The following RSU1 variants were observed in gnomAD, a reference collection of about 807,000 sequenced individuals.
The protein encoded by RSU1 is rsu-1.
A neutral mutation model predicts 31.1 loss-of-function variants in RSU1; 26 were observed. The observed-to-expected ratio is 0.84, with a 90% confidence interval of 0.61 to 1.16. The LOEUF is 1.16. Among genes scored for constraint, RSU1 ranks in the 50% most tolerant of loss-of-function variants. The pLI, the probability that RSU1 is intolerant of heterozygous loss-of-function variation, is 0.00. For missense variants in RSU1, 320 were observed against 339.1 expected (o/e 0.94, Z 0.44); for synonymous variants, 164 against 136.3 (o/e 1.20, Z -1.41).
intron 2 of RSU1, among the ~76,000 whole-genome samples, chr10:16,788,728 G>A (rs1837850397): frequency 6.6e-6 from 1 of 152,200 alleles, no homozygotes; most frequent in Admixed American, 6.5e-5. Context: ...TCAGGAAAAA[G>A]GAAAGGATAA....
intron 7 of RSU1, among the ~76,000 whole-genome samples, chr10:16,747,188 A>T (rs1836873248): frequency 6.6e-6 from 1 of 152,134 alleles, no homozygotes. Flanking sequence ...TTCTGGCTTC[A>T]GTGTTTAGGA....
chr10:16,681,488 T>C (rs368993809), intron 8 of RSU1, among the ~76,000 whole-genome samples: 13 of 152,174 alleles, frequency 8.5e-5, no homozygotes, highest in African/African-American at 3.1e-4. Flanking sequence ...AGGGTCATCA[T>C]TGTCTTCTAT....
intron 8 of RSU1, among the ~76,000 whole-genome samples, chr10:16,605,878 C>T (rs1015734437): frequency 2.6e-5 from 4 of 152,120 alleles, no homozygotes; most frequent in Admixed American, 6.5e-5. Flanking sequence ...CATGGCTCAC[C>T]GTAGCCTCCA....
intron 2 of RSU1, among the ~76,000 whole-genome samples, chr10:16,786,841 C>A (rs1419382867): frequency 6.6e-6 from 1 of 152,120 alleles, no homozygotes; most frequent in Non-Finnish European, 1.5e-5. Context: ...TACAGTGAAA[C>A]CGGGACAGCT....
intron 8 of RSU1, among the ~76,000 whole-genome samples, chr10:16,680,295 T>G (rs1038422708): frequency 2.6e-5 from 4 of 152,132 alleles, no homozygotes; most frequent in African/African-American, 9.6e-5. Flanking sequence ...AATGTACACG[T>G]GAAGCCTGGA....
chr10:16,615,472 C>G (rs1185340767), intron 8 of RSU1, among the ~76,000 whole-genome samples: 1 of 151,758 alleles, frequency 6.6e-6, no homozygotes, highest in Non-Finnish European at 1.5e-5. Context: ...CTAGACAGAT[C>G]AACAAGACCG....
At chr10:16,714,073 G>T (rs1399384454) in intron 7 of RSU1, among the ~76,000 whole-genome samples, 1 of 152,086 alleles carries the variant, frequency 6.6e-6, no homozygotes, top group Non-Finnish European at 1.5e-5. Context: ...ATATGTATGG[G>T]TGTGGAGGGC....
chr10:16,631,264 C>G (rs754545896), intron 8 of RSU1, among the ~76,000 whole-genome samples: 4 of 152,138 alleles, frequency 2.6e-5, no homozygotes, highest in African/African-American at 9.7e-5. Flanking sequence ...GGGACGGTTC[C>G]GAGCGTGTCT....
intron 7 of RSU1, chr10:16,721,717 T>A (rs570852707): frequency 1.3e-5 from 2 of 152,350 alleles, no homozygotes; most frequent in South Asian, 4.1e-4. Flanking sequence ...AATCACTTGA[T>A]AACTGCAATG....
chr10:16,742,923 G>A (rs556109660), intron 7 of RSU1, among the ~76,000 whole-genome samples: 90 of 152,276 alleles, frequency 5.9e-4, no homozygotes, highest in African/African-American at 2.1e-3. Flanking sequence ...ATTTTCTGGG[G>A]CTAAAGATTT....
chr10:16,695,962 C>T (rs1373812765), intron 7 of RSU1, among the ~76,000 whole-genome samples: 1 of 152,142 alleles, frequency 6.6e-6, no homozygotes, highest in Non-Finnish European at 1.5e-5. Flanking sequence ...AAGCACCCCT[C>T]ATCTGGATAT....
intron 4 of RSU1, among the ~76,000 whole-genome samples, chr10:16,764,095 T>A (rs1277528810): frequency 6.6e-6 from 1 of 152,066 alleles, no homozygotes; most frequent in Non-Finnish European, 1.5e-5. Flanking sequence ...TGCAAATAAG[T>A]CCCTTCTCGG....
At chr10:16,644,261 C>A (rs996376790) in intron 8 of RSU1, among the ~76,000 whole-genome samples, 10 of 152,168 alleles carry the variant, frequency 6.6e-5, no homozygotes, top group African/African-American at 2.4e-4. Context: ...AAATGACTTA[C>A]AAATTATATA....
At chr10:16,715,615 T>C (rs1397166321) in intron 7 of RSU1, among the ~76,000 whole-genome samples, 3 of 152,212 alleles carry the variant, frequency 2.0e-5, no homozygotes, top group Non-Finnish European at 4.4e-5. Context: ...CACTTGACCA[T>C]TTAGGCAAGG....
intron 7 of RSU1, among the ~76,000 whole-genome samples, chr10:16,742,811 C>T (rs7911748): frequency 0.22 from 33,636 of 152,060 alleles, 4,043 homozygotes; most frequent in African/African-American, 0.3. Flanking sequence ...TACTACAAAA[C>T]GGAAACGCTT....
At chr10:16,683,184 T>TGTGTGTGTGTGTGTGTGTGTGTGTGG (rs4027772) in intron 8 of RSU1, among the ~76,000 whole-genome samples, 1 of 146,362 alleles carries the variant, frequency 6.8e-6, no homozygotes, top group Admixed American at 6.8e-5. Flanking sequence ...TGTGTGTGTG[T>TGTGTGTGTGTGTGTGTGTGTGTGTGG]TGTGGTAGGG....
intron 2 of RSU1, among the ~76,000 whole-genome samples, chr10:16,810,280 C>T (rs1192204631): frequency 6.6e-6 from 1 of 151,862 alleles, no homozygotes; most frequent in East Asian, 1.9e-4. Flanking sequence ...AATGTAAACT[C>T]CCAAACGAAC....
rs570627216 is a variant in RSU1 at position 16,759,622 on chromosome 10, C to T, written c.282-4633G>A. Among the ~76,000 whole-genome samples, 11 of 152,242 alleles carry T rather than the reference C, an allele frequency of 7.2e-5. No individual in the cohort carries two copies. The South Asian group carries it at 8.3e-4, about 11-fold the overall frequency. On this transcript the variant is annotated intron_variant, in intron 4 of 8. Coordinates refer to ENST00000345264, the MANE Select transcript of RSU1 (RefSeq NM_012425.4). ...AACAAACGAGGTCAAACGTTATTCC[C>T]GAACAGTTGGGCACGGTGGTCCTGC... is the stretch of plus-strand genomic sequence containing the variant.
At chr10:16,672,134 T>C (rs1463978582) in intron 8 of RSU1, among the ~76,000 whole-genome samples, 1 of 104,152 alleles carries the variant, frequency 9.6e-6, no homozygotes. Context: ...CCGTCTCTAC[T>C]AAAAATACAA....
Sources: gnomAD v4.1 joint callset for allele counts (sites outside exome capture counted in the v4.1 genomes callset) on GRCh38, gnomAD v4.1.1 for gene constraint, MANE v1.5 for transcripts, NCBI Gene and HGNC (gene_info 2026-07-23, HGNC 2026-07-21) for gene names.